Variants in SCML4 observed in about 807,000 individuals in gnomAD.
The protein encoded by SCML4 is Scm polycomb group protein like 4.
Under a neutral mutation model 41.1 loss-of-function variants are expected in SCML4, and 34 were observed. The ratio of observed to expected loss-of-function variants is 0.83; its 90% CI spans 0.63 to 1.10. SCML4 has a LOEUF of 1.10. SCML4 is among the 50% of genes least tolerant of loss of function. The pLI, the probability that SCML4 is intolerant of heterozygous loss-of-function variation, is 0.00. For missense variants in SCML4, 522 were observed against 534.1 expected (o/e 0.98, Z 0.22); for synonymous variants, 214 against 220.9 (o/e 0.97, Z 0.28).
the SCML4 span, among the ~76,000 whole-genome samples, chr6:107,840,909 TC>T: frequency 6.6e-6 from 1 of 152,062 alleles, no homozygotes; most frequent in South Asian, 2.1e-4. Context: ...ACTCAACCTT[TC>T]TCTGGGGCCC....
chr6:107,765,637 C>CAATAAATAAATAAAT (rs1779976382), intron 2 of SCML4, among the ~76,000 whole-genome samples: 1 of 84,568 alleles, frequency 1.2e-5, no homozygotes, highest in African/African-American at 1.2e-4. Context: ...TGAAACCAAA[C>CAATAAATAAATAAAT]AAACAAACAA....
chr6:107,715,752 G>C (rs1022977626), intron 6 of SCML4, among the ~76,000 whole-genome samples: 10 of 152,190 alleles, frequency 6.6e-5, no homozygotes, highest in Admixed American at 6.5e-4. Context: ...GCCAGAGAGA[G>C]AAGGCTGAGG....
chr6:107,793,647 C>G (rs1257011556), intron 1 of SCML4, among the ~76,000 whole-genome samples: 1 of 152,172 alleles, frequency 6.6e-6, no homozygotes, highest in Non-Finnish European at 1.5e-5. Context: ...GATATTACAG[C>G]CTATTGAAAT....
intron 5 of SCML4, among the ~76,000 whole-genome samples, chr6:107,736,698 T>C (rs938886956): frequency 3.9e-5 from 6 of 152,206 alleles, no homozygotes; most frequent in Non-Finnish European, 8.8e-5. Context: ...ATATATTCTC[T>C]GTAATGTTAT....
rs568675664 is a variant in SCML4, at chr6:107,749,828, C to G, written c.157-15G>C. On this transcript the variant is annotated splice_polypyrimidine_tract_variant and intron_variant, in intron 2 of 7. Transcript: ENST00000369020. ...CGAGACTTGATCTGGAAGAGAGAGC[C>G]CATTTGGTCAATGAGAATCTGGCAA... is the stretch of plus-strand genomic sequence containing the variant. 3 of 1,613,782 alleles carry G rather than the reference C, an allele frequency of 1.9e-6. No homozygotes were observed. The highest frequency in any genetic ancestry group is 1.3e-5 in the African/African-American group (1 of 74,982).
In SCML4 at chr6:107,702,382, T is replaced by C. The variant is rs1407481559; in HGVS notation, c.*2818A>G. Among the ~76,000 whole-genome samples, 2 of 152,196 alleles carry C rather than the reference T, an allele frequency of 1.3e-5. No individual in the cohort carries two copies. Among genetic ancestry groups the C allele is most frequent in the Non-Finnish European group, 2.9e-5 (2 of 68,020 alleles). On this transcript the variant is annotated 3_prime_UTR_variant, in exon 8 of 8. Transcript: ENST00000369020. ...ACTCAAGGGATCTCTTTGACATTGT[T>C]TGGGGCTGATTTTTATTTGAGAGCA... is the stretch of plus-strand genomic sequence containing the variant.
At chr6:107,777,554 T>C (rs1781057019) in intron 1 of SCML4, among the ~76,000 whole-genome samples, 1 of 152,240 alleles carries the variant, frequency 6.6e-6, no homozygotes. Flanking sequence ...TTTCTTGTTT[T>C]CTAACAGTTT....
At chr6:107,833,719 A>T in the SCML4 span, among the ~76,000 whole-genome samples, 1 of 152,318 alleles carries the variant, frequency 6.6e-6, no homozygotes, top group East Asian at 1.9e-4. Context: ...TATTCATACT[A>T]AAAGGAATGT....
chr6:107,756,337 T>C (rs2114526292), intron 2 of SCML4, among the ~76,000 whole-genome samples: 1 of 152,316 alleles, frequency 6.6e-6, no homozygotes, highest in Admixed American at 6.5e-5. Context: ...AAATGCCACG[T>C]CACCTCTGGG....
chr6:107,786,364 G>A (rs189741354), intron 1 of SCML4, among the ~76,000 whole-genome samples: 3 of 152,272 alleles, frequency 2.0e-5, no homozygotes, highest in East Asian at 1.9e-4. Flanking sequence ...AGATGAAAAG[G>A]AGCCACCTAC....
chr6:107,707,242 C>T (rs182637903), intron 7 of SCML4, among the ~76,000 whole-genome samples: 4 of 152,236 alleles, frequency 2.6e-5, no homozygotes, highest in African/African-American at 9.6e-5. Context: ...GCAGAGGCTG[C>T]AGTGAGCCGA....
chr6:107,793,724 A>T (rs1447178196), intron 1 of SCML4, among the ~76,000 whole-genome samples: 2 of 152,202 alleles, frequency 1.3e-5, no homozygotes, highest in African/African-American at 4.8e-5. Flanking sequence ...AGGTGAGTGG[A>T]TCGCTTGAGC....
intron 2 of SCML4, among the ~76,000 whole-genome samples, chr6:107,761,696 C>T (rs562632079): frequency 6.6e-6 from 1 of 152,004 alleles, no homozygotes; most frequent in South Asian, 2.1e-4. Flanking sequence ...CTTGGCCTCC[C>T]AAAGTGCTAG....
At chr6:107,755,606 C>G (rs752417048) in intron 2 of SCML4, 1 of 1,346,630 alleles carries the variant, frequency 7.4e-7, no homozygotes, top group Admixed American at 2.0e-5. Context: ...CTCTGCCTGT[C>G]GCAACCTATC....
At chr6:107,778,209 AAAAAAAAAAAAAAATATATATAT>A (rs1781131906) in intron 1 of SCML4, among the ~76,000 whole-genome samples, 1 of 9,914 alleles carries the variant, frequency 1.0e-4, no homozygotes, top group Non-Finnish European at 3.4e-4. Context: ...AAAAAAAAAA[AAAAAAAAAAAAAAATATATATAT>A]ATATATATAT....
Position 107,812,432 on chromosome 6 carries a change from C to T in SCML4, c.-60+11694G>A, listed in dbSNP as rs1177978882. On this transcript the variant is annotated intron_variant, in intron 1 of 7. Coordinates refer to ENST00000369020, the MANE Select transcript of SCML4 (RefSeq NM_198081.5). The stretch of plus-strand genomic sequence containing the variant: ...ATATTTGCCATGTCCGATACCTCCT[C>T]TGATGTTTAATTTTATGTTTCAACT... Among the ~76,000 whole-genome samples the T allele has an allele frequency of 2.6e-5, 4 of 152,216 alleles. No individual in the cohort carries two copies. The East Asian group carries it at 7.7e-4, about 29-fold the overall frequency.
intron 1 of SCML4, among the ~76,000 whole-genome samples, chr6:107,815,043 C>T (rs1246943400): frequency 6.6e-6 from 1 of 152,208 alleles, no homozygotes; most frequent in African/African-American, 2.4e-5. Context: ...TTTGAGAGGG[C>T]TCTGCATAGT....
At chr6:107,776,871 A>C (rs1780996430) in intron 1 of SCML4, among the ~76,000 whole-genome samples, 1 of 152,244 alleles carries the variant, frequency 6.6e-6, no homozygotes, top group African/African-American at 2.4e-5. Context: ...CACATTCATA[A>C]AATGAAATAT....
At chr6:107,752,489 C>T (rs1184135031) in intron 2 of SCML4, among the ~76,000 whole-genome samples, 1 of 151,866 alleles carries the variant, frequency 6.6e-6, no homozygotes, top group Non-Finnish European at 1.5e-5. Context: ...AAACACTGAG[C>T]CCTGCAAGAT....
Sources: gnomAD v4.1 joint callset for allele counts (sites outside exome capture counted in the v4.1 genomes callset) on GRCh38, gnomAD v4.1.1 for gene constraint, MANE v1.5 for transcripts, NCBI Gene and HGNC (gene_info 2026-07-23, HGNC 2026-07-21) for gene names.